Variants in TNRC18 observed in about 807,000 individuals in gnomAD.
TNRC18 encodes trinucleotide repeat-containing gene 18 protein.
A neutral mutation model predicts 226.7 loss-of-function variants in TNRC18; 69 were observed. That is an observed-to-expected ratio of 0.30 (90% CI 0.25 to 0.37). The LOEUF is 0.37. TNRC18 is among the 10% of genes least tolerant of loss of function. The pLI is 1.00. For synonymous variants in TNRC18, 2,449 were observed against 1,927.6 expected (o/e 1.27, Z -7.09); for missense variants, 4,754 against 4,256.6 (o/e 1.12, Z -3.25).
rs148573728 is a variant in TNRC18, at chr7:5,322,511, C to T, written c.6443-1321G>A. ...GTCCACTATGTTGCCCAACTGATCTCGAACTCCTGGTCTCAAGTGATCCTC... is the reference window on the plus strand; with the variant it reads ...GTCCACTATGTTGCCCAACTGATCTTGAACTCCTGGTCTCAAGTGATCCTC... On this transcript the variant is annotated intron_variant, in intron 21 of 29. Transcript: ENST00000430969. 3.7e-3 allele frequency among the ~76,000 whole-genome samples: 568 copies of T among 152,292 alleles called. 4 individuals carry two copies. Among genetic ancestry groups the T allele is most frequent in the African/African-American group, 0.013 (525 of 41,574 alleles).
Position 5,394,112 on chromosome 7 carries a change from G to T in TNRC18, c.343+328C>A, listed in dbSNP as rs752837036. On this transcript the variant is annotated intron_variant, in intron 3 of 29. Transcript: ENST00000430969. The surrounding 1 kb of genome is among the most constrained non-coding windows in gnomAD (Gnocchi z 4.5). ...GCTCACTCCGGTGGGAAAGCGGGTA[G>T]TTCATGAATGATGAGATAATCTGTC... Among the ~76,000 whole-genome samples the T allele has an allele frequency of 3.9e-5, 6 of 152,168 alleles. No individual in the cohort carries two copies. The highest frequency in any genetic ancestry group is 8.8e-5 in the Non-Finnish European group (6 of 68,030).
intron 18 of TNRC18, among the ~76,000 whole-genome samples, chr7:5,341,021 C>G (rs902068476): frequency 1.8e-4 from 28 of 152,136 alleles, no homozygotes; most frequent in African/African-American, 6.3e-4. Flanking sequence ...GCTAATGCAG[C>G]TGGGGACTTT....
intron 2 of TNRC18, among the ~76,000 whole-genome samples, chr7:5,397,047 T>C (rs1337670376): frequency 6.6e-6 from 1 of 151,988 alleles, no homozygotes; most frequent in African/African-American, 2.4e-5. Flanking sequence ...AGGGGTGCCC[T>C]CGGGCCACAC....
At chr7:5,391,473 G>A (rs1053802701) in intron 3 of TNRC18, among the ~76,000 whole-genome samples, 1 of 151,654 alleles carries the variant, frequency 6.6e-6, no homozygotes, top group South Asian at 2.1e-4. Flanking sequence ...TACCACACCC[G>A]GCTAATTTTG....
In TNRC18 at chr7:5,361,008, C is replaced by G. The variant is rs76779841; in HGVS notation, c.4661+586G>C. On this transcript the variant is annotated intron_variant, in intron 14 of 29. Coordinates refer to ENST00000430969, the MANE Select transcript of TNRC18 (RefSeq NM_001080495.3). ...GGCCCCTTTCCGATCGTGCTACAGA[C>G]ACCGAGGGAAGGACGAAGCATCTTT... 2.7e-3 allele frequency among the ~76,000 whole-genome samples: 405 copies of G among 152,298 alleles called. 2 individuals are homozygous for G. The highest frequency in any genetic ancestry group is 7.1e-3 in the Admixed American group (108 of 15,296).
chr7:5,404,861 C>G (rs1357483256), intron 2 of TNRC18, among the ~76,000 whole-genome samples: 2 of 151,806 alleles, frequency 1.3e-5, no homozygotes, highest in Non-Finnish European at 2.9e-5. Flanking sequence ...TGCCTGTAAT[C>G]CTAGCACTTT....
intron 2 of TNRC18, among the ~76,000 whole-genome samples, chr7:5,395,307 G>A (rs1780595522): frequency 1.3e-5 from 2 of 152,288 alleles, no homozygotes; most frequent in East Asian, 1.9e-4. Flanking sequence ...AGGGAGCCCC[G>A]TGGAGGGCAA....
chr7:5,337,387 G>C (rs890277591), intron 18 of TNRC18, among the ~76,000 whole-genome samples: 1 of 152,046 alleles, frequency 6.6e-6, no homozygotes, highest in Non-Finnish European at 1.5e-5. Context: ...GGGAGGCTGA[G>C]GCAGCAGAAT....
At position 5,307,877 on chromosome 7, in the gene TNRC18, T is replaced by C. The variant is rs922825579; in HGVS notation, c.*229A>G. ...TGATAGCTAAGAGGGGCCCCTGTCCTGGGGGCACTGAGGGGTTGGAAGGTG... is the reference window on the plus strand; with the variant it reads ...TGATAGCTAAGAGGGGCCCCTGTCCCGGGGGCACTGAGGGGTTGGAAGGTG... On this transcript the variant is annotated 3_prime_UTR_variant, in exon 30 of 30. Coordinates refer to ENST00000430969, the MANE Select transcript of TNRC18 (RefSeq NM_001080495.3). The C allele has an allele frequency of 8.7e-6, 5 of 574,762 alleles. No individual in the cohort carries two copies. The highest frequency in any genetic ancestry group is 5.6e-5 in the African/African-American group (3 of 53,354). The allele number at this position is 574,762 out of a possible 1,614,324, so 35.6% of individuals were successfully genotyped here.
At chr7:5,396,699 G>C (rs1049575956) in intron 2 of TNRC18, among the ~76,000 whole-genome samples, 1 of 152,094 alleles carries the variant, frequency 6.6e-6, no homozygotes, top group Non-Finnish European at 1.5e-5. Context: ...GAGGGATTCC[G>C]TGTGTACCCT....
intron 5 of TNRC18, among the ~76,000 whole-genome samples, chr7:5,385,660 GTGACAGA>G (rs1370415419): frequency 1.3e-5 from 2 of 151,022 alleles, no homozygotes; most frequent in Non-Finnish European, 3.0e-5. Flanking sequence ...CTCCAGCGTG[GTGACAGA>G]GCGAGACTCC....
intron 10 of TNRC18, among the ~76,000 whole-genome samples, chr7:5,372,661 G>C (rs1794278025): frequency 6.6e-6 from 1 of 152,208 alleles, no homozygotes; most frequent in African/African-American, 2.4e-5. Flanking sequence ...GCTGCAGTGA[G>C]CTATGATGGC....
At chr7:5,385,046 G>T (rs1353136248) in intron 5 of TNRC18, among the ~76,000 whole-genome samples, 3 of 152,246 alleles carry the variant, frequency 2.0e-5, no homozygotes, top group Non-Finnish European at 4.4e-5. Flanking sequence ...GCCAGAGACA[G>T]GCCCGGTCCA....
intron 19 of TNRC18, chr7:5,325,497 C>G (rs1200418692): frequency 1.6e-5 from 7 of 429,518 alleles, no homozygotes; most frequent in Non-Finnish European, 1.6e-5. Context: ...GATCTTGGCT[C>G]ACTGCAAGCT....
chr7:5,364,463 ACACACAC>A, intron 11 of TNRC18, among the ~76,000 whole-genome samples: 1 of 1,850 alleles, frequency 5.4e-4, no homozygotes, highest in African/African-American at 1.7e-3. Flanking sequence ...CTCAAAGAAA[ACACACAC>A]ACACACACAC....
intron 5 of TNRC18, among the ~76,000 whole-genome samples, chr7:5,378,733 A>AT (rs1018121623): frequency 1.3e-5 from 2 of 151,972 alleles, no homozygotes; most frequent in African/African-American, 4.8e-5. Flanking sequence ...TGCTATTTTA[A>AT]TGACGGGAAG....
intron 4 of TNRC18, chr7:5,389,967 C>T (rs1780168667): frequency 5.9e-6 from 1 of 168,462 alleles, no homozygotes; most frequent in Non-Finnish European, 1.3e-5. Context: ...TCAAAGTTGC[C>T]CGGAAGGCCT....
At chr7:5,318,804 G>C (rs943061208) in intron 24 of TNRC18, among the ~76,000 whole-genome samples, 1 of 152,128 alleles carries the variant, frequency 6.6e-6, no homozygotes, top group African/African-American at 2.4e-5. Context: ...TTTATACCCA[G>C]CTCAACTATC....
At chr7:5,404,763 AGTGTGTGTGT>A (rs57464872) in intron 2 of TNRC18, among the ~76,000 whole-genome samples, 11 of 147,228 alleles carry the variant, frequency 7.5e-5, no homozygotes, top group South Asian at 6.6e-4. Context: ...GCACACTTTC[AGTGTGTGTGT>A]GTGTGTGTGT....
Sources: gnomAD v4.1 joint callset for allele counts (sites outside exome capture counted in the v4.1 genomes callset) on GRCh38, gnomAD v4.1.1 for gene constraint, Gnocchi (gnomAD v3.1) non-coding constraint, MANE v1.5 for transcripts, NCBI Gene and HGNC (gene_info 2026-07-23, HGNC 2026-07-21) for gene names.